INPP4B: variants seen among roughly 807,000 people sequenced by gnomAD.
INPP4B encodes inositol polyphosphate 4-phosphatase type II.
In INPP4B, 55 loss-of-function variants were observed where a neutral mutation model predicts 122.5. The ratio of observed to expected loss-of-function variants is 0.45; its 90% confidence interval spans 0.36 to 0.56. The LOEUF is 0.56. INPP4B is among the 20% of genes least tolerant of loss of function. INPP4B has a pLI of 0.00. For synonymous variants in INPP4B, 403 were observed against 388.7 expected (o/e 1.04, Z -0.43); for missense variants, 1,000 against 1,097.7 (o/e 0.91, Z 1.26).
chr4:142,504,320 C>G (rs375510182), intron 2 of INPP4B, among the ~76,000 whole-genome samples: 1 of 151,858 alleles, frequency 6.6e-6, no homozygotes, highest in Non-Finnish European at 1.5e-5. Context: ...TTATACCTAA[C>G]AGACTTCCAA....
intron 2 of INPP4B, among the ~76,000 whole-genome samples, chr4:142,720,773 C>CATATATATAA (rs1560996533): frequency 8.5e-5 from 1 of 11,824 alleles, no homozygotes; most frequent in Non-Finnish European, 1.6e-4. Flanking sequence ...CTCTCTCTCT[C>CATATATATAA]TCTCTCTCTC....
At chr4:142,219,923 T>G (rs1386974974) in intron 12 of INPP4B, among the ~76,000 whole-genome samples, 1 of 152,200 alleles carries the variant, frequency 6.6e-6, no homozygotes, top group African/African-American at 2.4e-5. Context: ...CATAGCAATC[T>G]TCTGAGATCA....
intron 9 of INPP4B, among the ~76,000 whole-genome samples, chr4:142,295,076 T>C (rs1227618084): frequency 6.6e-6 from 1 of 152,040 alleles, no homozygotes; most frequent in Admixed American, 6.6e-5. Flanking sequence ...TTAGGGTACC[T>C]GAATGTAGGA....
chr4:142,431,671 G>A (rs1483258626), intron 3 of INPP4B, among the ~76,000 whole-genome samples: 1 of 152,124 alleles, frequency 6.6e-6, no homozygotes, highest in South Asian at 2.1e-4. Context: ...TATAGGGGCT[G>A]CTAACTTAGT....
At position 142,648,607 on chromosome 4, in the gene INPP4B, T is replaced by A. The variant is rs189002121; in HGVS notation, c.-191+77232A>T. ...GAGATGAAACTGCGAGGCAGCAGCC[T>A]GGTTGGGGGAGGGGTGTCCGCAATT... On this transcript the variant is annotated intron_variant, in intron 2 of 25. Transcript: ENST00000262992. Among the ~76,000 whole-genome samples, 6 of 152,260 alleles carry A rather than the reference T, an allele frequency of 3.9e-5. No homozygotes were observed. The East Asian group carries it at 1.2e-3, about 30-fold the overall frequency.
chr4:142,823,941 A>T (rs1781105683), intron 1 of INPP4B, among the ~76,000 whole-genome samples: 1 of 152,166 alleles, frequency 6.6e-6, no homozygotes, highest in African/African-American at 2.4e-5. Flanking sequence ...CACTGAGTAA[A>T]AAAGATCGAC....
chr4:142,764,495 T>G (rs1771793280), intron 1 of INPP4B, among the ~76,000 whole-genome samples: 1 of 152,006 alleles, frequency 6.6e-6, no homozygotes, highest in Admixed American at 6.6e-5. Flanking sequence ...AAAAAAAATC[T>G]TAGTTGGGGC....
chr4:142,653,009 C>G (rs531191614), intron 2 of INPP4B, among the ~76,000 whole-genome samples: 1 of 152,318 alleles, frequency 6.6e-6, no homozygotes, highest in East Asian at 1.9e-4. Context: ...CAGCATGGTA[C>G]TGGTACCAAA....
chr4:142,165,178 T>C (rs955471854), intron 16 of INPP4B, among the ~76,000 whole-genome samples: 6 of 151,776 alleles, frequency 4.0e-5, no homozygotes, highest in Non-Finnish European at 4.4e-5. Flanking sequence ...CTCAAGATTT[T>C]GTTGTTGTTC....
intron 17 of INPP4B, among the ~76,000 whole-genome samples, chr4:142,148,738 A>G (rs1812152289): frequency 6.6e-6 from 1 of 152,216 alleles, no homozygotes; most frequent in Admixed American, 6.5e-5. Flanking sequence ...TGTAGCCTGT[A>G]AAGAGATCTT....
intron 2 of INPP4B, among the ~76,000 whole-genome samples, chr4:142,486,800 T>C (rs1281667137): frequency 6.6e-6 from 1 of 152,216 alleles, no homozygotes; most frequent in African/African-American, 2.4e-5. Flanking sequence ...GTTCATTTTG[T>C]TGCATAGGTT....
chr4:142,363,351 ATG>A (rs937194226), intron 7 of INPP4B, among the ~76,000 whole-genome samples: 1,538 of 151,778 alleles, frequency 0.01, 27 homozygotes, highest in African/African-American at 0.035. Context: ...ATATATATAT[ATG>A]TGTGTGTGTA....
chr4:142,335,107 TGA>T (rs1776128525), intron 7 of INPP4B, among the ~76,000 whole-genome samples: 3 of 31,424 alleles, frequency 9.5e-5, no homozygotes, highest in Non-Finnish European at 1.5e-4. Flanking sequence ...CTGGGAAAAA[TGA>T]AAAAAAAAAA....
chr4:142,539,053 T>G (rs970742957), intron 2 of INPP4B, among the ~76,000 whole-genome samples: 15 of 150,676 alleles, frequency 1.0e-4, no homozygotes, highest in African/African-American at 3.6e-4. Context: ...CCTTTTTTTG[T>G]GATTATATAT....
intron 25 of INPP4B, among the ~76,000 whole-genome samples, chr4:142,068,658 C>CA (rs907334224): frequency 1.8e-3 from 270 of 151,178 alleles, no homozygotes; most frequent in Non-Finnish European, 3.2e-3. Context: ...AAATGGAAAA[C>CA]AAAAAAAAGC....
intron 1 of INPP4B, among the ~76,000 whole-genome samples, chr4:142,824,330 A>T (rs1781191498): frequency 6.6e-6 from 1 of 151,538 alleles, no homozygotes. Context: ...CTCTATCTCT[A>T]TCTCTATCTC....
At chr4:142,641,942 T>A (rs1750571610) in intron 2 of INPP4B, among the ~76,000 whole-genome samples, 1 of 152,172 alleles carries the variant, frequency 6.6e-6, no homozygotes, top group Non-Finnish European at 1.5e-5. Context: ...GTTTCCTGAC[T>A]TTTTAATGAT....
At position 142,839,599 on chromosome 4, in the gene INPP4B, T is replaced by G. The variant is rs112154728; in HGVS notation, c.-254+6610A>C. On this transcript the variant is annotated intron_variant, in intron 1 of 25. Transcript: ENST00000262992. ...ATTATTTTTTAAATTTTCCTTTGTA[T>G]GATAAAAATATTTGTAAATAACTGC... 5.9e-3 allele frequency among the ~76,000 whole-genome samples: 904 copies of G among 152,356 alleles called. 8 individuals are homozygous for G. Among genetic ancestry groups the G allele is most frequent in the African/African-American group, 0.021 (863 of 41,578 alleles).
intron 1 of INPP4B, among the ~76,000 whole-genome samples, chr4:142,816,702 A>G (rs1780160978): frequency 6.6e-6 from 1 of 152,124 alleles, no homozygotes; most frequent in Non-Finnish European, 1.5e-5. Flanking sequence ...ACACACACAT[A>G]TTCAGCCATT....
Sources: allele counts gnomAD v4.1 joint callset (sites outside exome capture counted in the v4.1 genomes callset), GRCh38; gene constraint gnomAD v4.1.1; transcripts MANE v1.5; gene names NCBI Gene and HGNC (gene_info 2026-07-23, HGNC 2026-07-21).